The following SRRM4 variants were observed in gnomAD, a reference collection of about 807,000 sequenced individuals.
SRRM4 encodes the protein serine/arginine repetitive matrix 4.
Under a neutral mutation model 68.9 loss-of-function variants are expected in SRRM4, and 33 were observed. The ratio of observed to expected loss-of-function variants is 0.48; its 90% confidence interval spans 0.36 to 0.64. SRRM4 has a LOEUF of 0.64. Among genes scored for constraint, SRRM4 ranks in the 30% least tolerant of loss-of-function variants. SRRM4 has a pLI of 0.00. For missense variants in SRRM4, 817 were observed against 827.1 expected, an observed-to-expected ratio of 0.99 and a Z score of 0.15; for synonymous variants, 318 against 318.8, an observed-to-expected ratio of 1.00 and a Z score of 0.03.
intron 1 of SRRM4, among the ~76,000 whole-genome samples, chr12:118,997,412 C>A (rs1015105651): frequency 6.6e-6 from 1 of 152,180 alleles, no homozygotes; most frequent in Non-Finnish European, 1.5e-5. Flanking sequence ...TTACTGTGGA[C>A]GCGTCCATCA....
At chr12:119,046,529 AT>A (rs5801312) in intron 1 of SRRM4, among the ~76,000 whole-genome samples, 134,235 of 152,134 alleles carry the variant, frequency 0.88, 59,599 homozygotes, top group Middle Eastern at 0.95. Context: ...CTCATAAATA[AT>A]TTTTTATACA....
In SRRM4 at chr12:119,040,007, A is replaced by G. The variant is rs1953655948; in HGVS notation, c.131+57994A>G. ...AACTTTCACATACAGGGGAGTGAAT[A>G]TGGGGAGGGCAGAAGATCAGAAATG... On this transcript the variant is annotated intron_variant, in intron 1 of 12. Coordinates refer to ENST00000267260, the MANE Select transcript of SRRM4 (RefSeq NM_194286.4). Among the ~76,000 whole-genome samples, 2 of 152,166 alleles carry G rather than the reference A, an allele frequency of 1.3e-5. 1 individual carries two copies. The highest frequency in any genetic ancestry group is 4.1e-4 in the South Asian group (2 of 4,826).
At chr12:119,106,456 C>T (rs1006481790) in intron 2 of SRRM4, among the ~76,000 whole-genome samples, 2 of 152,040 alleles carry the variant, frequency 1.3e-5, no homozygotes, top group African/African-American at 2.4e-5. Flanking sequence ...GAATGTTCTT[C>T]CATTTGTTTG....
rs550204730 is a variant in SRRM4 at position 119,125,410 on chromosome 12, G to A, written c.545G>A (p.Arg182His). The A allele has an allele frequency of 3.1e-6, 5 of 1,612,850 alleles. No homozygotes were observed. The Admixed American group carries it at 5.0e-5, about 16-fold the overall frequency. Residue 182 changes from arginine (R) to histidine (H), a missense_variant, in exon 7 of 13, where the codon CGC (arginine) becomes CAC (histidine). Coordinates refer to ENST00000267260, the MANE Select transcript of SRRM4 (RefSeq NM_194286.4). ...CGAAGCCGGCCCCGAAAGTCTCACC[G>A]CCACCGCCATCACCGCTGCCCCTCG... ...QSRSRPRKSH[R>H]HRHHRCPSRS...
rs761482318 is a variant in SRRM4, at chr12:119,102,268, C to G, written c.164C>G (p.Ala55Gly). Residue 55 changes from alanine (A) to glycine (G), a missense_variant, in exon 2 of 13, where the codon GCT becomes GGT. Transcript: ENST00000267260. ...TEPQNNPVVPAQDGPSEKLGQ... is the reference protein window; with the variant it reads ...TEPQNNPVVPGQDGPSEKLGQ... ...CCCCAGAATAACCCCGTTGTCCCAGCTCAGGATGGACCCTCAGAAAAGCTG... is the reference window on the plus strand; with the variant it reads ...CCCCAGAATAACCCCGTTGTCCCAGGTCAGGATGGACCCTCAGAAAAGCTG... 11 of 1,613,790 alleles carry G rather than the reference C, an allele frequency of 6.8e-6. No homozygotes were observed. The South Asian group carries it at 1.1e-4, about 16-fold the overall frequency.
At chr12:119,080,069 A>C (rs998277989) in intron 1 of SRRM4, among the ~76,000 whole-genome samples, 1 of 152,106 alleles carries the variant, frequency 6.6e-6, no homozygotes, top group Admixed American at 6.5e-5. Flanking sequence ...AAAGATGTAC[A>C]TCCATGCCTG....
At chr12:119,043,869 G>A (rs1372220269) in intron 1 of SRRM4, among the ~76,000 whole-genome samples, 2 of 151,014 alleles carry the variant, frequency 1.3e-5, no homozygotes, top group Non-Finnish European at 2.9e-5. Flanking sequence ...CTGGACTTTT[G>A]TTTTTTGTTT....
chr12:119,138,282 A>T (rs903199732), intron 8 of SRRM4, among the ~76,000 whole-genome samples: 3 of 152,200 alleles, frequency 2.0e-5, no homozygotes, highest in Non-Finnish European at 4.4e-5. Context: ...TAAGGGAGCT[A>T]ACGAAAGCAT....
At chr12:119,066,785 T>C (rs545732226) in intron 1 of SRRM4, among the ~76,000 whole-genome samples, 5 of 152,326 alleles carry the variant, frequency 3.3e-5, no homozygotes, top group South Asian at 2.1e-4. Context: ...CTCCCTCTTT[T>C]GTAAATCCAC....
At chr12:119,072,887 T>G (rs2136026960) in intron 1 of SRRM4, among the ~76,000 whole-genome samples, 1 of 152,280 alleles carries the variant, frequency 6.6e-6, no homozygotes, top group African/African-American at 2.4e-5. Flanking sequence ...TCTCAATACT[T>G]TAAGATGTCT....
chr12:119,056,253 C>G (rs1953775656), intron 1 of SRRM4, among the ~76,000 whole-genome samples: 1 of 152,192 alleles, frequency 6.6e-6, no homozygotes, highest in African/African-American at 2.4e-5. Context: ...CTCGTGCAGC[C>G]ACAATGAGGC....
At chr12:119,002,883 G>A (rs2135994026) in intron 1 of SRRM4, among the ~76,000 whole-genome samples, 1 of 152,050 alleles carries the variant, frequency 6.6e-6, no homozygotes, top group African/African-American at 2.4e-5. Context: ...CATCTATTAG[G>A]CGTCTACACC....
chr12:119,009,885 T>C (rs1386675487), intron 1 of SRRM4, among the ~76,000 whole-genome samples: 1 of 152,102 alleles, frequency 6.6e-6, no homozygotes, highest in Non-Finnish European at 1.5e-5. Flanking sequence ...TTTCAGATGT[T>C]CCCCCTTCGA....
At chr12:119,038,831 C>T (rs1232216325) in intron 1 of SRRM4, among the ~76,000 whole-genome samples, 1 of 152,160 alleles carries the variant, frequency 6.6e-6, no homozygotes, top group African/African-American at 2.4e-5. Flanking sequence ...TTGTAGAAAG[C>T]TGTTATGATC....
intron 1 of SRRM4, among the ~76,000 whole-genome samples, chr12:119,076,501 CT>C (rs1953917284): frequency 6.6e-6 from 1 of 152,218 alleles, no homozygotes; most frequent in African/African-American, 2.4e-5. Flanking sequence ...AGGCAAGTTA[CT>C]CTCCTCTCTC....
chr12:119,031,173 T>C (rs774199398), intron 1 of SRRM4: 9 of 152,324 alleles, frequency 5.9e-5, no homozygotes, highest in East Asian at 3.9e-4. Context: ...GAAGACTCAA[T>C]TGGGGAAGGG....
intron 1 of SRRM4, among the ~76,000 whole-genome samples, chr12:119,025,414 T>C (rs1257633027): frequency 6.7e-6 from 1 of 148,232 alleles, no homozygotes; most frequent in African/African-American, 2.5e-5. Flanking sequence ...AAGATAAGAC[T>C]GCTCATATAT....
intron 1 of SRRM4, chr12:118,992,106 T>C (rs1387840992): frequency 6.6e-6 from 1 of 152,234 alleles, no homozygotes; most frequent in South Asian, 2.1e-4. Flanking sequence ...TAAAAGAAAC[T>C]TTGGGGTCCA....
intron 1 of SRRM4, among the ~76,000 whole-genome samples, chr12:119,055,357 C>T (rs1026048528): frequency 9.9e-5 from 15 of 152,062 alleles, no homozygotes; most frequent in Admixed American, 7.2e-4. Flanking sequence ...AAAAAGCACA[C>T]GCAATGATGT....
Sources: gnomAD v4.1 joint callset for allele counts (sites outside exome capture counted in the v4.1 genomes callset) on GRCh38, gnomAD v4.1.1 for gene constraint, MANE v1.5 for transcripts, NCBI Gene and HGNC (gene_info 2026-07-23, HGNC 2026-07-21) for gene names.